The following MBNL3 variants were observed in gnomAD, a reference collection of about 807,000 sequenced individuals.
MBNL3 encodes muscleblind like splicing regulator 3, also known as muscleblind-like protein 3.
MBNL3 carries 6 observed loss-of-function variants against 24.5 expected under a neutral mutation model. That is an observed-to-expected ratio of 0.25 (90% CI 0.13 to 0.48). The LOEUF (loss-of-function observed/expected upper bound fraction) is 0.48. Among genes scored for constraint, MBNL3 ranks in the 20% least tolerant of loss-of-function variants. MBNL3 has a pLI of 0.99. For synonymous variants in MBNL3, 100 were observed against 101.7 expected (o/e 0.98, Z 0.10); for missense variants, 230 against 293.5 (o/e 0.78, Z 1.58).
chrX:132,384,303 C>T (rs1485644484), intron 7 of MBNL3, among the ~76,000 whole-genome samples: 1 of 112,412 alleles, frequency 8.9e-6, no homozygotes, highest in Non-Finnish European at 1.9e-5. Flanking sequence ...ACAAGTTATA[C>T]ATTTTAAGTA....
chrX:132,479,455 A>C (rs1238784002), intron 1 of MBNL3, among the ~76,000 whole-genome samples: 2 of 112,379 alleles, frequency 1.8e-5, no homozygotes, highest in Non-Finnish European at 3.8e-5. Context: ...AAATGTTCAA[A>C]AATTAAAATC....
intron 2 of MBNL3, among the ~76,000 whole-genome samples, chrX:132,415,908 A>C (rs1308510300): frequency 9.0e-6 from 1 of 111,552 alleles, no homozygotes; most frequent in Admixed American, 9.5e-5. Flanking sequence ...CTTTGTGCTA[A>C]CTTGTTATTA....
rs192126374 is a variant in MBNL3 at position 132,429,599 on chromosome X, A to T, written c.177+9836T>A. The stretch of plus-strand genomic sequence containing the variant: ...TAAAGTCTTAATCTAAATTATCATG[A>T]ATCAGAAACAATAAAAGAGGGAGGG... On this transcript the variant is annotated intron_variant, in intron 2 of 8. Coordinates refer to ENST00000370853, the MANE Select transcript of MBNL3 (RefSeq NM_001386889.1). 2.2e-3 allele frequency among the ~76,000 whole-genome samples: 249 copies of T among 112,294 alleles called. 1 individual carries two copies. Among genetic ancestry groups the T allele is most frequent in the Middle Eastern group, 9.2e-3 (2 of 218 alleles).
rs760485087 is a variant in MBNL3, at chrX:132,428,205, A to G, written c.177+11230T>C. On this transcript the variant is annotated intron_variant, in intron 2 of 8. Transcript: ENST00000370853. ...TACTTAACTAAATAACATATTAGAC[A>G]TGACATTAAGCAATTTTACATAATC... is the stretch of plus-strand genomic sequence containing the variant. 1.1e-4 allele frequency among the ~76,000 whole-genome samples: 12 copies of G among 111,786 alleles called. No homozygotes were observed. In the East Asian group the frequency reaches 1.4e-3, roughly 13 times the overall value.
chrX:132,422,511 C>G (rs189239008), intron 2 of MBNL3, among the ~76,000 whole-genome samples: 36 of 111,891 alleles, frequency 3.2e-4, no homozygotes, highest in African/African-American at 1.1e-3. Context: ...CATGCAATAC[C>G]TCTCAGAGCC....
At chrX:132,390,270 A>C (rs868295988) in intron 5 of MBNL3, among the ~76,000 whole-genome samples, 1,022 of 96,166 alleles carry the variant, frequency 0.011, 10 homozygotes, top group African/African-American at 0.027. Context: ...AACAACAAAA[A>C]AAAAAAAAAA....
At chrX:132,456,615 A>G (rs760675577) in intron 1 of MBNL3, among the ~76,000 whole-genome samples, 8 of 112,233 alleles carry the variant, frequency 7.1e-5, no homozygotes, top group African/African-American at 2.6e-4. Flanking sequence ...TTTCATTTAA[A>G]AACCAAATCA....
chrX:132,382,310 G>A (rs367657475), intron 7 of MBNL3, 38 bp from the exon 8 acceptor site: 46 of 1,083,266 alleles, frequency 4.2e-5, no homozygotes, highest in Non-Finnish European at 5.7e-5. Context: ...ACACGGGAGG[G>A]TAGAGGATTT....
upstream of MBNL3, chrX:132,489,725 A>T (rs1948195998): frequency 9.2e-6 from 1 of 108,188 alleles, no homozygotes; most frequent in South Asian, 3.7e-4. Context: ...GCGGGCGGGC[A>T]TCCGGAGCGC....
intron 3 of MBNL3, 25 bp downstream of exon 3, chrX:132,406,203 T>C (rs1250236015): frequency 8.3e-7 from 1 of 1,210,014 alleles, no homozygotes; most frequent in Non-Finnish European, 1.1e-6. Context: ...TTATCGGCAA[T>C]TTTCAAAATA....
At position 132,377,887 on chromosome X, in the gene MBNL3, C is replaced by A. The variant is rs1026486490; in HGVS notation, c.*1779G>T. On this transcript the variant is annotated 3_prime_UTR_variant, in exon 9 of 9. Transcript: ENST00000370853. ...GCCTATTTACTAGAAAATATTAAAT[C>A]TATTACTTGATGTAAAATGTCATGT... The A allele has an allele frequency of 5.5e-5, 6 of 109,438 alleles. No individual in the cohort carries two copies. Among genetic ancestry groups the A allele is most frequent in the Non-Finnish European group, 1.1e-4 (6 of 52,585 alleles). 9.0% of individuals were successfully genotyped at this position (109,438 alleles called of 1,213,427 possible). A position where few individuals can be genotyped will look rare whatever the true frequency, so the allele number is the denominator to read the frequency against.
At chrX:132,458,960 C>T (rs1946506483) in intron 1 of MBNL3, among the ~76,000 whole-genome samples, 1 of 107,169 alleles carries the variant, frequency 9.3e-6, no homozygotes, top group African/African-American at 3.4e-5. Context: ...ACCTCCTCTT[C>T]TTCACCCTTA....
chrX:132,431,821 T>C (rs1369507307), intron 2 of MBNL3: 1 of 111,790 alleles, frequency 8.9e-6, no homozygotes, highest in African/African-American at 3.3e-5. Context: ...CACACCACGG[T>C]ATTCATCCTA....
At chrX:132,467,866 G>T (rs149596722) in intron 1 of MBNL3, among the ~76,000 whole-genome samples, 119 of 112,238 alleles carry the variant, frequency 1.1e-3, no homozygotes, top group African/African-American at 3.6e-3. Context: ...AAAGATGAAA[G>T]GTTATTAGTA....
intron 1 of MBNL3, among the ~76,000 whole-genome samples, chrX:132,482,170 G>C (rs1245999044): frequency 8.9e-6 from 1 of 111,801 alleles, no homozygotes; most frequent in Non-Finnish European, 1.9e-5. Flanking sequence ...AGCACCGTTG[G>C]GTGATGATAA....
At chrX:132,470,060 A>G (rs1947096842) in intron 1 of MBNL3, among the ~76,000 whole-genome samples, 1 of 111,505 alleles carries the variant, frequency 9.0e-6, no homozygotes, top group African/African-American at 3.3e-5. Flanking sequence ...CTATTCCTGA[A>G]TATTATTCCA....
intron 3 of MBNL3, among the ~76,000 whole-genome samples, chrX:132,403,224 T>C (rs1387135941): frequency 1.8e-5 from 2 of 111,962 alleles, no homozygotes; most frequent in African/African-American, 3.2e-5. Context: ...TTGCTCACAC[T>C]AGCTCAATTA....
intron 1 of MBNL3, among the ~76,000 whole-genome samples, chrX:132,443,984 T>TCCCCCCCCCCCCCCCCCCCCC (rs762809506): frequency 1.6e-4 from 1 of 6,154 alleles, no homozygotes; most frequent in African/African-American, 6.1e-4. Context: ...GACTCCAGAG[T>TCCCCCCCCCCCCCCCCCCCCC]CCGCCCCCCC....
chrX:132,386,635 T>G, intron 6 of MBNL3, 26 bp downstream of exon 6: 1 of 1,208,301 alleles, frequency 8.3e-7, no homozygotes, highest in Non-Finnish European at 1.1e-6. Flanking sequence ...CCAAACTCGC[T>G]GCAGTGCCTA....
Sources: gnomAD v4.1 joint callset for allele counts (sites outside exome capture counted in the v4.1 genomes callset) on GRCh38, gnomAD v4.1.1 for gene constraint, MANE v1.5 for transcripts, NCBI Gene and HGNC (gene_info 2026-07-23, HGNC 2026-07-21) for gene names.